Variants in SNTG2 observed in about 807,000 individuals in gnomAD.
SNTG2 encodes the protein gamma-2-syntrophin.
SNTG2 carries 74 observed loss-of-function variants against 70.9 expected under a neutral mutation model. The ratio of observed to expected loss-of-function variants is 1.04; its 90% confidence interval spans 0.86 to 1.27. The LOEUF (loss-of-function observed/expected upper bound fraction) is 1.27. Among genes scored for constraint, SNTG2 ranks in the 50% most tolerant of loss-of-function variants. SNTG2 has a pLI of 0.00. For missense variants in SNTG2, 717 were observed against 690.7 expected, an observed-to-expected ratio of 1.04 and a Z score of -0.43; for synonymous variants, 278 against 273.8, an observed-to-expected ratio of 1.02 and a Z score of -0.15.
At chr2:1,133,849 T>C (rs113852642) in intron 4 of SNTG2, among the ~76,000 whole-genome samples, 7 of 152,188 alleles carry the variant, frequency 4.6e-5, no homozygotes, top group African/African-American at 1.7e-4. Context: ...TTAAGAAGAT[T>C]GGTTTTGTGT....
At chr2:1,123,355 A>T (rs1667500461) in intron 4 of SNTG2, among the ~76,000 whole-genome samples, 1 of 152,254 alleles carries the variant, frequency 6.6e-6, no homozygotes, top group African/African-American at 2.4e-5. Flanking sequence ...TATAAAAAAC[A>T]GACACCTACA....
At chr2:1,267,200 C>G (rs142345937) in intron 13 of SNTG2, among the ~76,000 whole-genome samples, 165 bp from the exon 14 acceptor site, 1 of 152,326 alleles carries the variant, frequency 6.6e-6, no homozygotes, top group African/African-American at 2.4e-5. Context: ...ACTTCCGCAC[C>G]AGCTGTGCAT....
At chr2:1,075,274 G>A (rs76046748) in intron 1 of SNTG2, among the ~76,000 whole-genome samples, 7,339 of 152,294 alleles carry the variant, frequency 0.048, 248 homozygotes, top group Non-Finnish European at 0.076. Context: ...GAGTGGGGAC[G>A]ACCTGAGTGG....
chr2:1,265,699 G>T (rs138392524), intron 13 of SNTG2, among the ~76,000 whole-genome samples: 4 of 152,332 alleles, frequency 2.6e-5, no homozygotes, highest in Non-Finnish European at 4.4e-5. Context: ...TGGATTTTGG[G>T]ACTGGACCTT....
chr2:1,128,218 C>T (rs554051146), intron 4 of SNTG2, among the ~76,000 whole-genome samples: 1 of 151,952 alleles, frequency 6.6e-6, no homozygotes, highest in South Asian at 2.1e-4. Context: ...TTTAATTTGC[C>T]ATTCTATAAG....
chr2:1,217,470 A>C lies in SNTG2; in HGVS notation c.719+8240A>C, dbSNP rs1388171901. On this transcript the variant is annotated intron_variant, in intron 9 of 16. Transcript: ENST00000308624. ...GAGATGAAACTAAAAAAGACATAAA[A>C]ACATAAGCATTCTTCCTAATGGACA... Among the ~76,000 whole-genome samples the C allele has an allele frequency of 3.3e-5, 5 of 152,188 alleles. No homozygotes were observed. In the East Asian group the frequency reaches 9.6e-4, roughly 29 times the overall value.
chr2:1,316,344 A>G lies in SNTG2; in HGVS notation c.1457A>G (p.Gln486Arg). ...AAAACTCGAGTAAAGCTGCTGTTTC[A>G]GAATCTGGACACCAAACAGATTGAG... is the stretch of plus-strand genomic sequence containing the variant. The part of the protein sequence containing the change: ...DGKTRVKLLF[Q>R]NLDTKQIETK... The change falls in exon 16 of 17, where the codon CAG becomes CGG. Residue 486 changes from glutamine to arginine, a missense_variant. Gln to Arg is a conservative substitution (Grantham distance 43). Coordinates refer to ENST00000308624, the MANE Select transcript of SNTG2 (RefSeq NM_018968.4). 6.5e-6 allele frequency: 10 copies of G among 1,549,068 alleles called. No homozygotes were observed. Among genetic ancestry groups the G allele is most frequent in the Non-Finnish European group, 8.7e-6 (10 of 1,144,846 alleles).
chr2:1,285,780 A>C (rs1427052754), intron 14 of SNTG2, among the ~76,000 whole-genome samples: 1 of 129,196 alleles, frequency 7.7e-6, no homozygotes, highest in Admixed American at 7.4e-5. Flanking sequence ...GCACCTCAGC[A>C]GGTCGTGTTT....
chr2:1,115,966 G>A (rs545609129), intron 4 of SNTG2, among the ~76,000 whole-genome samples: 5 of 152,344 alleles, frequency 3.3e-5, no homozygotes, highest in South Asian at 2.1e-4. Flanking sequence ...GGACCTTGGC[G>A]GAGGTGGGGG....
intron 1 of SNTG2, among the ~76,000 whole-genome samples, chr2:1,032,003 A>G (rs1038637852): frequency 6.6e-6 from 1 of 152,202 alleles, no homozygotes; most frequent in Non-Finnish European, 1.5e-5. Flanking sequence ...TGAATTTTAA[A>G]TTTAAAAATG....
intron 16 of SNTG2, among the ~76,000 whole-genome samples, chr2:1,363,137 C>CCCT (rs34011480): frequency 1.3e-5 from 2 of 150,096 alleles, no homozygotes; most frequent in African/African-American, 4.9e-5. Context: ...GGACCCCCCC[C>CCCT]ATGAAAGAGG....
At chr2:1,310,107 A>T (rs1680906524) in intron 15 of SNTG2, among the ~76,000 whole-genome samples, 1 of 152,224 alleles carries the variant, frequency 6.6e-6, no homozygotes, top group Non-Finnish European at 1.5e-5. Context: ...GTTTCAAGTA[A>T]TGAAGTGTTC....
chr2:1,177,912 A>G lies in SNTG2; in HGVS notation c.591+4729A>G, dbSNP rs867297432. ...GCAGTGATTGCATCTGTTGTTAAAT[A>G]TGAGATAATTTTTATATTAGCCAGA... On this transcript the variant is annotated intron_variant, in intron 8 of 16. Transcript: ENST00000308624. Among the ~76,000 whole-genome samples the G allele has an allele frequency of 4.6e-5, 7 of 152,350 alleles. No individual in the cohort carries two copies. The South Asian group carries it at 6.2e-4, about 14-fold the overall frequency.
chr2:1,109,934 A>G (rs78581404), intron 4 of SNTG2, among the ~76,000 whole-genome samples: 1,938 of 152,256 alleles, frequency 0.013, 34 homozygotes, highest in African/African-American at 0.041. Flanking sequence ...CATGTGGAGT[A>G]TTCATCGTTC....
intron 1 of SNTG2, among the ~76,000 whole-genome samples, chr2:1,031,526 ATATTTTTTT>A (rs1451924103): frequency 9.2e-5 from 5 of 54,158 alleles, no homozygotes; most frequent in African/African-American, 1.9e-4. Flanking sequence ...ATATATATAT[ATATTTTTTT>A]TTTTTTTTTT....
chr2:1,190,310 T>C (rs1390261523), intron 8 of SNTG2, among the ~76,000 whole-genome samples: 1 of 151,892 alleles, frequency 6.6e-6, no homozygotes, highest in African/African-American at 2.4e-5. Context: ...ATCTGTAGAT[T>C]ACTTATAATA....
At chr2:1,241,577 C>T (rs554923926) in intron 11 of SNTG2, among the ~76,000 whole-genome samples, 1 of 152,248 alleles carries the variant, frequency 6.6e-6, no homozygotes, top group East Asian at 1.9e-4. Flanking sequence ...CCCAGTAACT[C>T]ATCATTTAAC....
intron 1 of SNTG2, among the ~76,000 whole-genome samples, chr2:1,023,100 T>C (rs1660284142): frequency 6.6e-6 from 1 of 152,184 alleles, no homozygotes; most frequent in Non-Finnish European, 1.5e-5. Context: ...TAAATCCTTT[T>C]TGACTTTACA....
intron 7 of SNTG2, among the ~76,000 whole-genome samples, chr2:1,170,424 C>T (rs1671050253): frequency 6.6e-6 from 1 of 152,194 alleles, no homozygotes; most frequent in African/African-American, 2.4e-5. Flanking sequence ...GAATTTCCTT[C>T]CTGTCTCTTT....
Sources: allele counts gnomAD v4.1 joint callset (sites outside exome capture counted in the v4.1 genomes callset), GRCh38; gene constraint gnomAD v4.1.1; transcripts MANE v1.5; gene names NCBI Gene and HGNC (gene_info 2026-07-23, HGNC 2026-07-21).